COL4A2: variants seen among roughly 807,000 people sequenced by gnomAD.
COL4A2 encodes collagen type IV alpha 2 chain.
Under a neutral mutation model 200.2 loss-of-function variants are expected in COL4A2, and 99 were observed. The observed-to-expected ratio is 0.49, with a 90% CI of 0.42 to 0.58. The LOEUF is 0.58. Ranked by LOEUF, COL4A2 falls within the 20% of genes least tolerant of loss-of-function variation. The probability of loss-of-function intolerance (pLI) is 0.00; values close to 1 mark genes in which losing one functional copy is unlikely to be tolerated. For missense variants in COL4A2, 1,950 were observed against 2,314.1 expected, an observed-to-expected ratio of 0.84 and a Z score of 3.23; for synonymous variants, 897 against 900.6, an observed-to-expected ratio of 1.00 and a Z score of 0.07.
chr13:110,486,166 C>G (rs1007226996), intron 34 of COL4A2, among the ~76,000 whole-genome samples: 1 of 152,196 alleles, frequency 6.6e-6, no homozygotes, highest in African/African-American at 2.4e-5. Flanking sequence ...ATCAGTGACA[C>G]CAGGCCTGAG....
At chr13:110,484,815 A>C (rs1883056177) in intron 32 of COL4A2, 90 bp from the exon 33 acceptor site, 1 of 1,464,010 alleles carries the variant, frequency 6.8e-7, no homozygotes, top group African/African-American at 1.4e-5. Flanking sequence ...GGAGACGTGC[A>C]GCCCTATGGC....
At chr13:110,510,930 A>C (rs897951517) in intron 47 of COL4A2, among the ~76,000 whole-genome samples, 1 of 152,232 alleles carries the variant, frequency 6.6e-6, no homozygotes, top group African/African-American at 2.4e-5. Context: ...TCAGGGCTGG[A>C]CAGGCTTCTG....
rs1882210406 is a variant in COL4A2, at chr13:110,465,624, C to T, written c.1978+18C>T. Reference sequence around the variant, plus strand: ...ACAAATAGGTATGAAGGAATCCTCCCTTTTACCTTTCACAGTCCTGAGACA... The same window carrying T: ...ACAAATAGGTATGAAGGAATCCTCCTTTTTACCTTTCACAGTCCTGAGACA... On this transcript the variant is annotated intron_variant, in intron 25 of 47. Transcript: ENST00000360467. 1 of 1,586,296 alleles carries T rather than the reference C, an allele frequency of 6.3e-7. No individual in the cohort carries two copies. Among genetic ancestry groups the T allele is most frequent in the Non-Finnish European group, 8.6e-7 (1 of 1,164,000 alleles).
At position 110,508,182 on chromosome 13, in the gene COL4A2, T is replaced by A. The variant is rs772782553; in HGVS notation, c.4842T>A (p.Ala1614=). The A allele has an allele frequency of 1.1e-5, 18 of 1,614,260 alleles. No individual in the cohort carries two copies. In the East Asian group the frequency reaches 4.0e-4, roughly 36 times the overall value. ...SQDVSIPHCP[A]GWRSLWIGYS... is the part of the protein sequence containing the mutation. ...ATGTCTCCATCCCACACTGCCCAGC[T>A]GGGTGGCGGAGTTTGTGGATCGGAT... The change falls in exon 47 of 48, where the codon GCT becomes GCA. Residue 1614 remains alanine (A), a synonymous_variant. Coordinates refer to ENST00000360467, the MANE Select transcript of COL4A2 (RefSeq NM_001846.4). The surrounding 1 kb of genome is among the most constrained non-coding windows in gnomAD (Gnocchi z 6.1).
chr13:110,352,255 T>G (rs550606631), intron 3 of COL4A2, among the ~76,000 whole-genome samples: 4 of 152,300 alleles, frequency 2.6e-5, no homozygotes, highest in African/African-American at 9.6e-5. Context: ...GAAGGAATAG[T>G]GGAGCATAGC....
At chr13:110,351,823 A>G (rs1383562712) in intron 3 of COL4A2, among the ~76,000 whole-genome samples, 2 of 152,160 alleles carry the variant, frequency 1.3e-5, no homozygotes, top group Non-Finnish European at 2.9e-5. Flanking sequence ...GAGGGAAGTA[A>G]TGATTCATCC....
At chr13:110,459,242 G>C (rs1002511371) in intron 22 of COL4A2, 1 of 289,208 alleles carries the variant, frequency 3.5e-6, no homozygotes, top group African/African-American at 2.2e-5. Flanking sequence ...TTGAAAGCAC[G>C]TGTCCACACA....
intron 34 of COL4A2, among the ~76,000 whole-genome samples, chr13:110,486,084 C>T (rs1434396634): frequency 1.3e-5 from 2 of 152,166 alleles, no homozygotes; most frequent in African/African-American, 4.8e-5. Context: ...AGCATGTTGT[C>T]TGCATTTTTC....
At chr13:110,366,505 A>G (rs1365124279) in intron 4 of COL4A2, among the ~76,000 whole-genome samples, 1 of 152,226 alleles carries the variant, frequency 6.6e-6, no homozygotes, top group Non-Finnish European at 1.5e-5. Context: ...TTTTGAAATT[A>G]CTGTTGTTGT....
At chr13:110,383,844 T>C (rs1878585280) in intron 4 of COL4A2, among the ~76,000 whole-genome samples, 1 of 152,118 alleles carries the variant, frequency 6.6e-6, no homozygotes, top group South Asian at 2.1e-4. Flanking sequence ...ACGCCTGGTC[T>C]CAAGCTATCT....
intron 10 of COL4A2, among the ~76,000 whole-genome samples, chr13:110,431,914 T>G (rs886742753): frequency 6.6e-6 from 1 of 152,222 alleles, no homozygotes; most frequent in Non-Finnish European, 1.5e-5. Context: ...TGTAGATTCA[T>G]TCTGTCCATG....
At chr13:110,340,266 G>A (rs972044543) in intron 3 of COL4A2, among the ~76,000 whole-genome samples, 4 of 152,090 alleles carry the variant, frequency 2.6e-5, no homozygotes, top group Non-Finnish European at 1.5e-5. Context: ...ATAGGTGCAC[G>A]CCACCACACC....
rs1399856610 is a variant in COL4A2, at chr13:110,503,210, G to C, written c.3967G>C (p.Gly1323Arg). 2 of 1,613,880 alleles carry C rather than the reference G, an allele frequency of 1.2e-6. No homozygotes were observed. The highest frequency in any genetic ancestry group is 8.5e-7 in the Non-Finnish European group (1 of 1,180,002). Residue 1323 changes from glycine (G) to arginine (R), a missense_variant, in exon 42 of 48, where the codon GGG becomes CGG. Gly to Arg is a moderately radical substitution (Grantham distance 125). Around this residue, in one of 2 missense-constraint regions of COL4A2, gnomAD observed 1,385 missense variants for 1,720.5 expected, o/e 0.80. Transcript: ENST00000360467. ...GAACCCAGGAGCTCCAGGAACCCCA[G>C]GGACCAAAGGATGGGCCGGGGACTC... ...TGNPGAPGTP[G>R]TKGWAGDSGP... is the part of the protein sequence containing the mutation.
chr13:110,430,474 G>GT (rs1295201498), intron 9 of COL4A2, 38 bp downstream of exon 9: 1 of 1,614,116 alleles, frequency 6.2e-7, no homozygotes. Context: ...CCAAACAAAA[G>GT]TTTAAGAGCT....
rs752795557 is a variant in COL4A2 at position 110,480,359 on chromosome 13, T to G, written c.2727T>G (p.Ile909Met). 2.5e-6 allele frequency: 4 copies of G among 1,612,800 alleles called. No homozygotes were observed. The South Asian group carries it at 4.4e-5, about 18-fold the overall frequency. ...GHPGSPGFKGIDGMPGTPGLK... is the reference protein window; with the variant it reads ...GHPGSPGFKGMDGMPGTPGLK... ...CAGGAAGCCCTGGATTTAAAGGAAT[T>G]GATGGAATGCCTGGGACCCCCGGGC... The change falls in exon 31 of 48, where the codon ATT (isoleucine) becomes ATG (methionine). Residue 909 changes from isoleucine (I) to methionine (M), a missense_variant. By Grantham distance (10) the Ile-to-Met change is conservative. Around this residue, in one of 2 missense-constraint regions of COL4A2, gnomAD observed 1,385 missense variants for 1,720.5 expected, o/e 0.80. Transcript: ENST00000360467.
chr13:110,510,463 C>A (rs185096104), intron 47 of COL4A2, among the ~76,000 whole-genome samples: 122 of 152,228 alleles, frequency 8.0e-4, no homozygotes, highest in East Asian at 1.4e-3. Context: ...AGGTCAGCCT[C>A]TCGTCCAGGC....
rs187263103 is a variant in COL4A2 at position 110,489,376 on chromosome 13, G to A, written c.3208-69G>A. The A allele has an allele frequency of 7.5e-4, 1,070 of 1,432,048 alleles. 10 individuals are homozygous for A. Among genetic ancestry groups the A allele is most frequent in the Non-Finnish European group, 4.2e-5 (43 of 1,014,792 alleles). 88.7% of individuals were successfully genotyped at this position (1,432,048 alleles called of 1,614,324 possible). ...GTTAGCATACTGGATAGTTAAATAA[G>A]TGAGCTAACTTCAGAGTTACAACTG... On this transcript the variant is annotated intron_variant, in intron 34 of 47. Coordinates refer to ENST00000360467, the MANE Select transcript of COL4A2 (RefSeq NM_001846.4).
chr13:110,481,610 T>C (rs112544682), intron 31 of COL4A2, among the ~76,000 whole-genome samples: 3,641 of 51,262 alleles, frequency 0.071, 145 homozygotes, highest in Non-Finnish European at 0.089. Context: ...AGACACACTG[T>C]TCTGTCCCTC....
At chr13:110,314,870 G>C (rs1400947007) in intron 3 of COL4A2, among the ~76,000 whole-genome samples, 1 of 152,348 alleles carries the variant, frequency 6.6e-6, no homozygotes. Context: ...CTGGTGGCTG[G>C]TGGAGGACTT....
Sources: allele counts gnomAD v4.1 joint callset (sites outside exome capture counted in the v4.1 genomes callset), GRCh38; gene constraint gnomAD v4.1.1; regional missense constraint gnomAD v4.1.1; non-coding constraint Gnocchi (gnomAD v3.1); transcripts MANE v1.5; gene names NCBI Gene and HGNC (gene_info 2026-07-23, HGNC 2026-07-21).